ANO6: variants seen among roughly 807,000 people sequenced by gnomAD.
ANO6 encodes anoctamin 6, also known as anoctamin-6.
In ANO6, 106 loss-of-function variants were observed where a neutral mutation model predicts 117.5. That is an observed-to-expected ratio of 0.90 (90% CI 0.77 to 1.06). The LOEUF (loss-of-function observed/expected upper bound fraction) is 1.06, where lower values mean the gene tolerates loss of function less well. Ranked by LOEUF, ANO6 falls within the 50% of genes least tolerant of loss-of-function variation. ANO6 has a pLI of 0.00. For missense variants in ANO6, 955 were observed against 1,121.1 expected (o/e 0.85, Z 2.12); for synonymous variants, 367 against 385.1 (o/e 0.95, Z 0.55).
intron 9 of ANO6, among the ~76,000 whole-genome samples, chr12:45,372,189 C>T (rs1249717459): frequency 6.6e-6 from 1 of 151,670 alleles, no homozygotes; most frequent in Non-Finnish European, 1.5e-5. Flanking sequence ...TGAGCAAAGC[C>T]TCCAAGAAAT....
chr12:45,271,372 A>G (rs1938390695), intron 1 of ANO6, among the ~76,000 whole-genome samples: 2 of 152,236 alleles, frequency 1.3e-5, no homozygotes, highest in Non-Finnish European at 2.9e-5. Flanking sequence ...AAATGATGCT[A>G]TTTATAAAAA....
At chr12:45,406,140 A>G (rs1288868366) in intron 15 of ANO6, among the ~76,000 whole-genome samples, 3 of 152,230 alleles carry the variant, frequency 2.0e-5, no homozygotes, top group African/African-American at 7.2e-5. Flanking sequence ...GGAAAGGAGC[A>G]TATCTGGCTC....
In ANO6 at chr12:45,366,115, GTTT is replaced by G. The variant is rs5797942; in HGVS notation, c.999-1558_999-1556del. The stretch of plus-strand genomic sequence containing the variant: ...GGGAGCAGCGTGCAATGTTACTTGG[GTTT>G]TTTTTTTTTTTTTTGGTATTAATTT... On this transcript the variant is annotated intron_variant, in intron 8 of 19. Coordinates refer to ENST00000320560, the MANE Select transcript of ANO6 (RefSeq NM_001025356.3). 6.2e-4 allele frequency among the ~76,000 whole-genome samples: 83 copies of G among 134,636 alleles called. 1 individual carries two copies. The highest frequency in any genetic ancestry group is 4.0e-3 in the East Asian group (19 of 4,786). The allele number at this position is 134,636 out of a possible 152,430, so 88.3% of individuals were successfully genotyped here. A position where few individuals can be genotyped will look rare whatever the true frequency, so the allele number is the denominator to read the frequency against.
At chr12:45,278,298 G>A (rs1938615675) in intron 1 of ANO6, among the ~76,000 whole-genome samples, 1 of 152,118 alleles carries the variant, frequency 6.6e-6, no homozygotes, top group Non-Finnish European at 1.5e-5. Flanking sequence ...CCTTCAGTTT[G>A]TTTTCAGTCG....
chr12:45,326,501 A>G (rs1401379808), intron 2 of ANO6, among the ~76,000 whole-genome samples: 1 of 152,154 alleles, frequency 6.6e-6, no homozygotes, highest in Non-Finnish European at 1.5e-5. Context: ...ATTATAATGG[A>G]AAGTCGGTCA....
downstream of ANO6, among the ~76,000 whole-genome samples, chr12:45,435,735 G>A (rs1943700265): frequency 6.6e-6 from 1 of 151,976 alleles, no homozygotes; most frequent in African/African-American, 2.4e-5. Flanking sequence ...TGAAGGCAAG[G>A]TCTGGGGCAA....
At chr12:45,291,090 C>T (rs759677561) in intron 1 of ANO6, among the ~76,000 whole-genome samples, 69 of 152,158 alleles carry the variant, frequency 4.5e-4, no homozygotes, top group Admixed American at 1.0e-3. Flanking sequence ...TTTCCACATG[C>T]GAAAAGAGCA....
intron 19 of ANO6, among the ~76,000 whole-genome samples, chr12:45,425,503 GACTAACAGAGAAAACT>G (rs1416276585): frequency 6.6e-6 from 1 of 152,164 alleles, no homozygotes; most frequent in Non-Finnish European, 1.5e-5. Flanking sequence ...AAAAACTGAT[GACTAACAGAGAAAACT>G]AAGGCGAGAA....
chr12:45,286,992 G>A (rs150387640), intron 1 of ANO6, among the ~76,000 whole-genome samples: 140 of 152,328 alleles, frequency 9.2e-4, no homozygotes, highest in African/African-American at 3.2e-3. Flanking sequence ...TCATTCAAGA[G>A]ATTAATGATG....
chr12:45,220,070 A>G (rs1477237173), intron 1 of ANO6, among the ~76,000 whole-genome samples: 3 of 151,866 alleles, frequency 2.0e-5, no homozygotes, highest in East Asian at 1.9e-4. Context: ...TGCTATAGGA[A>G]CAGCTTTTGT....
intron 9 of ANO6, among the ~76,000 whole-genome samples, chr12:45,374,492 A>C (rs202109802): frequency 0.052 from 4,652 of 89,894 alleles, 147 homozygotes; most frequent in East Asian, 0.28. Flanking sequence ...GCACATCAAA[A>C]AGCTTATCCA....
chr12:45,340,085 C>T (rs1286022741), intron 3 of ANO6, among the ~76,000 whole-genome samples: 1 of 152,052 alleles, frequency 6.6e-6, no homozygotes, highest in Non-Finnish European at 1.5e-5. Context: ...GTAAGTCCTT[C>T]ACAACAATGA....
chr12:45,263,816 A>G (rs762015926), intron 1 of ANO6, among the ~76,000 whole-genome samples: 6 of 152,112 alleles, frequency 3.9e-5, no homozygotes, highest in African/African-American at 7.2e-5. Context: ...TGGTTTGACA[A>G]ATGCTTTAGG....
intron 1 of ANO6, among the ~76,000 whole-genome samples, chr12:45,233,430 G>A (rs1947603258): frequency 6.6e-6 from 1 of 152,142 alleles, no homozygotes; most frequent in African/African-American, 2.4e-5. Flanking sequence ...ATTTTTCTGT[G>A]TAGGGATCTT....
chr12:45,322,406 G>A (rs774719058), intron 2 of ANO6, among the ~76,000 whole-genome samples: 1 of 152,134 alleles, frequency 6.6e-6, no homozygotes, highest in Non-Finnish European at 1.5e-5. Flanking sequence ...AAGATAGTTG[G>A]GTTGGAAGGT....
At position 45,331,344 on chromosome 12, in the gene ANO6, G is replaced by A. The variant is rs755797821; in HGVS notation, c.200G>A (p.Arg67Gln). Residue 67 changes from arginine to glutamine, a missense_variant, in exon 3 of 20, where the codon CGA (arginine) becomes CAA (glutamine). Coordinates refer to ENST00000320560, the MANE Select transcript of ANO6 (RefSeq NM_001025356.3). ...PDSLFFNDGQ[R>Q]RIDFVLVYED... The stretch of plus-strand genomic sequence containing the variant: ...TCCCTCTTTTTTAATGATGGCCAGC[G>A]AAGAATTGACTTTGTTCTAGTATAT... 61 of 1,609,854 alleles carry A rather than the reference G, an allele frequency of 3.8e-5. No homozygotes were observed. Among genetic ancestry groups the A allele is most frequent in the Non-Finnish European group, 4.7e-5 (55 of 1,178,018 alleles).
At chr12:45,228,163 G>C (rs1371277515) in intron 1 of ANO6, 1 of 343,088 alleles carries the variant, frequency 2.9e-6, no homozygotes, top group Non-Finnish European at 5.6e-6. Context: ...TCTTTCTGTT[G>C]CCAGGGCTGA....
chr12:45,403,283 GT>G, intron 14 of ANO6, 42 bp downstream of exon 14: 1 of 1,601,556 alleles, frequency 6.2e-7, no homozygotes, highest in Non-Finnish European at 8.5e-7. Context: ...TTTAAGCTGA[GT>G]TTTCTCTCAG....
chr12:45,216,200 CCCTGAG>C lies in ANO6; in HGVS notation c.-119_-114del, dbSNP rs1947306860. On this transcript the variant is annotated 5_prime_UTR_variant, in exon 1 of 20. Coordinates refer to ENST00000320560, the MANE Select transcript of ANO6 (RefSeq NM_001025356.3). ...CCCGGCGCTGGCTGGGCTCAGCGGC[CCCTGAG>C]CCCAAGCGACACACGCCCCGCGGTC... 6 of 1,168,704 alleles carry C rather than the reference CCCTGAG, an allele frequency of 5.1e-6. No homozygotes were observed. In the East Asian group the frequency reaches 1.5e-4, roughly 30 times the overall value. The allele number at this position is 1,168,704 out of a possible 1,614,324, so 72.4% of individuals were successfully genotyped here.
Sources: gnomAD v4.1 joint callset for allele counts (sites outside exome capture counted in the v4.1 genomes callset) on GRCh38, gnomAD v4.1.1 for gene constraint, MANE v1.5 for transcripts, NCBI Gene and HGNC (gene_info 2026-07-23, HGNC 2026-07-21) for gene names.